Variants in SNTG2 observed in about 807,000 individuals in gnomAD.
The protein encoded by SNTG2 is gamma-2-syntrophin.
In SNTG2, 74 loss-of-function variants were observed where a neutral mutation model predicts 70.9. The observed-to-expected ratio is 1.04, with a 90% CI of 0.86 to 1.27. The LOEUF (loss-of-function observed/expected upper bound fraction) is 1.27. Ranked by LOEUF, SNTG2 falls within the 50% of genes most tolerant of loss-of-function variation. The pLI, the probability that SNTG2 is intolerant of heterozygous loss-of-function variation, is 0.00. For synonymous variants in SNTG2, 278 were observed against 273.8 expected (o/e 1.02, Z -0.15); for missense variants, 717 against 690.7 (o/e 1.04, Z -0.43).
chr2:1,118,261 T>C (rs368812833), intron 4 of SNTG2, among the ~76,000 whole-genome samples: 94 of 152,148 alleles, frequency 6.2e-4, no homozygotes, highest in African/African-American at 2.0e-3. Context: ...GACCCTGCGC[T>C]GAGAAAGATC....
chr2:1,290,530 G>T (rs1221283729), intron 14 of SNTG2, among the ~76,000 whole-genome samples: 1 of 152,118 alleles, frequency 6.6e-6, no homozygotes, highest in Non-Finnish European at 1.5e-5. Flanking sequence ...GTCCAGACTG[G>T]TCTTGAGCTC....
intron 16 of SNTG2, among the ~76,000 whole-genome samples, chr2:1,350,992 G>C (rs1266113672): frequency 6.6e-6 from 1 of 151,700 alleles, no homozygotes; most frequent in Non-Finnish European, 1.5e-5. Flanking sequence ...ATCAAGTTTG[G>C]AATGGGTAAA....
chr2:1,133,545 T>TG (rs1668160798), intron 4 of SNTG2, among the ~76,000 whole-genome samples: 2 of 152,208 alleles, frequency 1.3e-5, no homozygotes, highest in African/African-American at 4.8e-5. Flanking sequence ...AGTGGCTGTA[T>TG]TACCGTAGGG....
chr2:1,307,359 A>ATG (rs1216598152), intron 14 of SNTG2, among the ~76,000 whole-genome samples: 1 of 125,424 alleles, frequency 8.0e-6, no homozygotes, highest in South Asian at 2.7e-4. Context: ...TGCACTCTGT[A>ATG]TGTGTGTGTG....
intron 4 of SNTG2, among the ~76,000 whole-genome samples, chr2:1,108,988 A>G (rs4971450): frequency 0.61 from 7,104 of 11,688 alleles, 2,393 homozygotes; most frequent in Non-Finnish European, 0.85. Context: ...GAGTGGACAC[A>G]TGCTGTCACT....
intron 1 of SNTG2, among the ~76,000 whole-genome samples, chr2:988,090 T>C (rs1444168557): frequency 2.6e-5 from 4 of 152,224 alleles, no homozygotes; most frequent in African/African-American, 9.6e-5. Flanking sequence ...AGTCACATAC[T>C]GACTTTCCGT....
At chr2:1,166,688 C>T (rs960364384) in intron 7 of SNTG2, among the ~76,000 whole-genome samples, 13 of 152,186 alleles carry the variant, frequency 8.5e-5, no homozygotes, top group African/African-American at 2.7e-4. Flanking sequence ...TAAGTGAGGA[C>T]AGGCACTCCT....
intron 8 of SNTG2, among the ~76,000 whole-genome samples, chr2:1,203,690 A>ATATATATGTG (rs150383929): frequency 2.9e-4 from 41 of 141,368 alleles, no homozygotes; most frequent in Middle Eastern, 3.6e-3. Context: ...ATATATATAT[A>ATATATATGTG]TGTGTGTGTG....
intron 12 of SNTG2, among the ~76,000 whole-genome samples, chr2:1,250,090 C>T (rs902943139): frequency 1.3e-5 from 2 of 152,140 alleles, no homozygotes; most frequent in East Asian, 1.9e-4. Context: ...AACTGGAAAT[C>T]GCAGACTCCT....
chr2:1,264,646 ATACAG>A (rs1366951132), intron 13 of SNTG2, among the ~76,000 whole-genome samples: 5 of 152,236 alleles, frequency 3.3e-5, no homozygotes, highest in Admixed American at 6.5e-5. Flanking sequence ...GTGTCAATAA[ATACAG>A]TGCAGTGCTC....
At chr2:1,282,644 G>A (rs1422177214) in intron 14 of SNTG2, among the ~76,000 whole-genome samples, 5 of 149,894 alleles carry the variant, frequency 3.3e-5, no homozygotes, top group African/African-American at 1.2e-4. Flanking sequence ...CGCACAGCGC[G>A]TCCCTCCGGG....
At chr2:1,329,434 C>T (rs1000186987) in intron 16 of SNTG2, among the ~76,000 whole-genome samples, 4 of 152,132 alleles carry the variant, frequency 2.6e-5, no homozygotes, top group Admixed American at 6.5e-5. Flanking sequence ...CAAAACTCTC[C>T]GCCTTTTCAA....
chr2:1,316,354 C>T lies in SNTG2; in HGVS notation c.1467C>T (p.Asp489=). Residue 489 remains aspartate (D), a synonymous_variant, in exon 16 of 17, where the codon GAC becomes GAT. Coordinates refer to ENST00000308624, the MANE Select transcript of SNTG2 (RefSeq NM_018968.4). ...TRVKLLFQNL[D]TKQIETKELE... ...TAAAGCTGCTGTTTCAGAATCTGGA[C>T]ACCAAACAGATTGAGACGAAGGTAT... The T allele has an allele frequency of 6.5e-7, 1 of 1,541,086 alleles. No homozygotes were observed. The highest frequency in any genetic ancestry group is 8.8e-7 in the Non-Finnish European group (1 of 1,137,590).
At chr2:1,095,035 ATGGTAGAGACAGCGAGG>A (rs1665296923) in intron 2 of SNTG2, among the ~76,000 whole-genome samples, 1 of 141,790 alleles carries the variant, frequency 7.1e-6, no homozygotes, top group Admixed American at 6.9e-5. Flanking sequence ...GTGTCCTCAC[ATGGTAGAGACAGCGAGG>A]TGGGGGTGGG....
intron 16 of SNTG2, among the ~76,000 whole-genome samples, chr2:1,338,554 AC>A (rs1659930518): frequency 6.6e-6 from 1 of 152,176 alleles, no homozygotes; most frequent in African/African-American, 2.4e-5. Context: ...GCTCCGGGTA[AC>A]CTCTATTCTA....
intron 9 of SNTG2, among the ~76,000 whole-genome samples, chr2:1,231,352 G>T (rs141033904): frequency 6.6e-6 from 1 of 152,210 alleles, no homozygotes; most frequent in Non-Finnish European, 1.5e-5. Flanking sequence ...GATCCGAAAC[G>T]TGAATTACTT....
chr2:1,301,850 C>T (rs1454190362), intron 14 of SNTG2, among the ~76,000 whole-genome samples: 2 of 151,786 alleles, frequency 1.3e-5, no homozygotes, highest in Admixed American at 6.6e-5. Context: ...GTTCTCTAAA[C>T]AGAAATCAAA....
chr2:1,099,228 G>A (rs964838417), intron 4 of SNTG2, among the ~76,000 whole-genome samples: 3 of 151,956 alleles, frequency 2.0e-5, no homozygotes, highest in East Asian at 1.9e-4. Flanking sequence ...CATGCGGTCC[G>A]TGTCGGGGGG....
intron 1 of SNTG2, among the ~76,000 whole-genome samples, chr2:1,065,593 T>C (rs1663097814): frequency 6.6e-6 from 1 of 152,236 alleles, no homozygotes; most frequent in South Asian, 2.1e-4. Context: ...ATTCAAATTA[T>C]TTTCAAAGGA....
Sources: allele counts gnomAD v4.1 joint callset (sites outside exome capture counted in the v4.1 genomes callset), GRCh38; gene constraint gnomAD v4.1.1; transcripts MANE v1.5; gene names NCBI Gene and HGNC (gene_info 2026-07-23, HGNC 2026-07-21).